PEBP4: variants seen among roughly 807,000 people sequenced by gnomAD.
The protein encoded by PEBP4 is phosphatidylethanolamine binding protein 4, also known as phosphatidylethanolamine-binding protein 4.
Under a neutral mutation model 23.9 loss-of-function variants are expected in PEBP4, and 22 were observed. That is an observed-to-expected ratio of 0.92 (90% confidence interval 0.66 to 1.31). The LOEUF is 1.31. PEBP4 is among the 40% of genes most tolerant of loss of function. PEBP4 has a pLI of 0.00. For missense variants in PEBP4, 324 were observed against 281.7 expected (o/e 1.15, Z -1.07); for synonymous variants, 112 against 99.3 (o/e 1.13, Z -0.76).
chr8:22,901,102 C>T (rs957324086), intron 3 of PEBP4, among the ~76,000 whole-genome samples: 3 of 152,164 alleles, frequency 2.0e-5, no homozygotes, highest in African/African-American at 7.2e-5. Flanking sequence ...TATCACTGTG[C>T]ATGAACTAAG....
intron 4 of PEBP4, among the ~76,000 whole-genome samples, chr8:22,787,053 G>A (rs1272598319): frequency 6.6e-6 from 1 of 152,174 alleles, no homozygotes; most frequent in Non-Finnish European, 1.5e-5. Context: ...GAACTCCTGG[G>A]CTCAAGCAAT....
upstream of PEBP4, among the ~76,000 whole-genome samples, chr8:22,929,118 C>G (rs1809413330): frequency 6.6e-6 from 1 of 152,212 alleles, no homozygotes; most frequent in Non-Finnish European, 1.5e-5. Context: ...TGAAATCAAC[C>G]AGGTTAAGCC....
In PEBP4 at chr8:22,921,765, T is replaced by C. The variant is rs35296024; in HGVS notation, c.132-1455A>G. 8.4e-3 allele frequency among the ~76,000 whole-genome samples: 1,280 copies of C among 152,302 alleles called. 6 individuals carry two copies. The highest frequency in any genetic ancestry group is 0.015 in the Non-Finnish European group (1,006 of 68,018). On this transcript the variant is annotated intron_variant, in intron 2 of 6. Transcript: ENST00000256404. ...GGTGGATGGCAAGATTTTCACAGCT[T>C]TTGGAGAAGTTTTAGGTGACCAGTT...
intron 3 of PEBP4, among the ~76,000 whole-genome samples, chr8:22,860,039 C>A (rs1244741163): frequency 6.7e-6 from 1 of 149,314 alleles, no homozygotes; most frequent in Admixed American, 6.7e-5. Flanking sequence ...ACCTCTTGAG[C>A]CCAGCAGTCA....
intron 4 of PEBP4, among the ~76,000 whole-genome samples, chr8:22,729,021 C>T (rs984036800): frequency 3.9e-5 from 6 of 152,212 alleles, no homozygotes; most frequent in African/African-American, 1.2e-4. Flanking sequence ...AGCTCTGTCT[C>T]GCTCCCCTCT....
chr8:22,929,793 C>T (rs1048975233), upstream of PEBP4, among the ~76,000 whole-genome samples: 3 of 152,184 alleles, frequency 2.0e-5, no homozygotes, highest in Non-Finnish European at 4.4e-5. Context: ...CTGCAACCTC[C>T]GCCTTCTGGG....
Position 22,865,232 on chromosome 8 carries a change from G to C in PEBP4, c.259-47497C>G, listed in dbSNP as rs991513792. Among the ~76,000 whole-genome samples the C allele has an allele frequency of 7.9e-5, 12 of 152,126 alleles. No individual in the cohort carries two copies. The highest frequency in any genetic ancestry group is 1.3e-4 in the Non-Finnish European group (9 of 68,002). On this transcript the variant is annotated intron_variant, in intron 3 of 6. Coordinates refer to ENST00000256404, the MANE Select transcript of PEBP4 (RefSeq NM_144962.3). The surrounding 1 kb of genome is among the most constrained non-coding windows in gnomAD (Gnocchi z 6.9). ...GAAACAGCCTGGGGGGCGGCGGGAGGGGGAGGGAAGGTGTTTTTGCGAAAA... is the reference window on the plus strand; with the variant it reads ...GAAACAGCCTGGGGGGCGGCGGGAGCGGGAGGGAAGGTGTTTTTGCGAAAA...
At chr8:22,846,293 C>T (rs968536498) in intron 3 of PEBP4, among the ~76,000 whole-genome samples, 2 of 152,170 alleles carry the variant, frequency 1.3e-5, no homozygotes, top group South Asian at 2.1e-4. Flanking sequence ...TCCTGCACGA[C>T]CAGGGCTGGC....
At position 22,775,560 on chromosome 8, in the gene PEBP4, G is replaced by C. The variant is rs553104554; in HGVS notation, c.357+42077C>G. On this transcript the variant is annotated intron_variant, in intron 4 of 6. Coordinates refer to ENST00000256404, the MANE Select transcript of PEBP4 (RefSeq NM_144962.3). The surrounding 1 kb of genome is among the most constrained non-coding windows in gnomAD (Gnocchi z 4.8). Reference sequence around the variant, plus strand: ...CTGTGGGCTCTATTTCTACTGACAAGGCTTTACCCTGTAGGTGTGAGGAAT... The same window carrying C: ...CTGTGGGCTCTATTTCTACTGACAACGCTTTACCCTGTAGGTGTGAGGAAT... 6.6e-6 allele frequency among the ~76,000 whole-genome samples: 1 copy of C among 152,326 alleles called. No individual in the cohort carries two copies. The highest frequency in any genetic ancestry group is 6.5e-5 in the Admixed American group (1 of 15,312).
chr8:22,746,636 T>C (rs906484352), intron 4 of PEBP4, among the ~76,000 whole-genome samples: 2 of 150,286 alleles, frequency 1.3e-5, no homozygotes, highest in Non-Finnish European at 3.0e-5. Flanking sequence ...CTCCTCTCTC[T>C]CCTCCTCTCC....
At chr8:22,826,660 A>G (rs890299516) in intron 3 of PEBP4, among the ~76,000 whole-genome samples, 6 of 152,216 alleles carry the variant, frequency 3.9e-5, no homozygotes, top group African/African-American at 7.2e-5. Flanking sequence ...GCAGAACAGC[A>G]TATCTATTGC....
chr8:22,856,300 T>C (rs1807646505), intron 3 of PEBP4, among the ~76,000 whole-genome samples: 1 of 152,210 alleles, frequency 6.6e-6, no homozygotes, highest in Non-Finnish European at 1.5e-5. Flanking sequence ...GGTACTATTT[T>C]TTACTTGTCA....
intron 4 of PEBP4, among the ~76,000 whole-genome samples, chr8:22,746,969 G>A (rs1480247554): frequency 6.6e-6 from 1 of 152,178 alleles, no homozygotes; most frequent in Non-Finnish European, 1.5e-5. Context: ...GGGACTATGG[G>A]CATGTACCAC....
At chr8:22,860,810 G>A (rs990874413) in intron 3 of PEBP4, among the ~76,000 whole-genome samples, 7 of 152,120 alleles carry the variant, frequency 4.6e-5, no homozygotes, top group African/African-American at 1.7e-4. Context: ...TCTCCTGCAC[G>A]GTCCATCCAA....
chr8:22,930,802 G>A (rs897600735), upstream of PEBP4, among the ~76,000 whole-genome samples: 1 of 152,166 alleles, frequency 6.6e-6, no homozygotes, highest in Non-Finnish European at 1.5e-5. Context: ...TCTGAAAGCC[G>A]TGTTCAAGCT....
chr8:22,769,368 G>C (rs79532506), intron 4 of PEBP4, among the ~76,000 whole-genome samples: 6,691 of 152,270 alleles, frequency 0.044, 265 homozygotes, highest in African/African-American at 0.098. Context: ...TCCAGAGAGG[G>C]AGGGCCCCAT....
intron 6 of PEBP4, among the ~76,000 whole-genome samples, chr8:22,719,903 G>T (rs1192263898): frequency 1.3e-5 from 2 of 152,226 alleles, no homozygotes; most frequent in Admixed American, 1.3e-4. Context: ...TGTGGGCATG[G>T]TACTCACAGA....
chr8:22,718,757 G>T (rs1197779320), intron 6 of PEBP4, among the ~76,000 whole-genome samples: 1 of 152,186 alleles, frequency 6.6e-6, no homozygotes, highest in Non-Finnish European at 1.5e-5. Context: ...GAGTGTGTTT[G>T]TGTCTGTCTG....
intron 3 of PEBP4, among the ~76,000 whole-genome samples, chr8:22,846,079 C>G (rs954028743): frequency 1.3e-5 from 2 of 152,236 alleles, no homozygotes; most frequent in Non-Finnish European, 2.9e-5. Flanking sequence ...CTATGCGGAC[C>G]TCCATCTTTG....
Sources: allele counts gnomAD v4.1 joint callset (sites outside exome capture counted in the v4.1 genomes callset), GRCh38; gene constraint gnomAD v4.1.1; non-coding constraint Gnocchi (gnomAD v3.1); transcripts MANE v1.5; gene names NCBI Gene and HGNC (gene_info 2026-07-23, HGNC 2026-07-21).